GFRAL: variants seen among roughly 807,000 people sequenced by gnomAD.
GFRAL encodes GDNF family receptor alpha like.
GFRAL carries 36 observed loss-of-function variants against 45.4 expected under a neutral mutation model. The observed-to-expected ratio is 0.79, with a 90% confidence interval of 0.61 to 1.05. The LOEUF is 1.05. Among genes scored for constraint, GFRAL ranks in the 50% least tolerant of loss-of-function variants. The pLI, the probability that GFRAL is intolerant of heterozygous loss-of-function variation, is 0.00. For missense variants in GFRAL, 507 were observed against 467.5 expected (o/e 1.08, Z -0.78); for synonymous variants, 166 against 154.1 (o/e 1.08, Z -0.57).
chr6:55,346,343 A>G (rs1288900342), intron 3 of GFRAL, among the ~76,000 whole-genome samples: 1 of 152,184 alleles, frequency 6.6e-6, no homozygotes, highest in Admixed American at 6.5e-5. Flanking sequence ...CATATACACC[A>G]TGAAATACTA....
chr6:55,366,328 T>C (rs1224229883), intron 6 of GFRAL, among the ~76,000 whole-genome samples: 1 of 151,330 alleles, frequency 6.6e-6, no homozygotes, highest in Non-Finnish European at 1.5e-5. Context: ...GATTCTGCTC[T>C]TTTTTTTTCT....
intron 6 of GFRAL, among the ~76,000 whole-genome samples, chr6:55,398,780 A>T (rs1385884962): frequency 6.6e-6 from 1 of 152,218 alleles, no homozygotes; most frequent in Non-Finnish European, 1.5e-5. Context: ...GGAAAAAAGC[A>T]AAACTAGGTA....
chr6:55,397,634 C>T (rs1379873286), intron 6 of GFRAL, among the ~76,000 whole-genome samples: 5 of 150,668 alleles, frequency 3.3e-5, no homozygotes, highest in Admixed American at 3.3e-4. Context: ...TTGTGTTGGG[C>T]TGCTGCTTTC....
chr6:55,356,984 A>G (rs1581910093), intron 5 of GFRAL, among the ~76,000 whole-genome samples: 2 of 151,744 alleles, frequency 1.3e-5, no homozygotes, highest in South Asian at 4.1e-4. Flanking sequence ...TTTAATTTCC[A>G]TGTATTTGTA....
At chr6:55,375,193 A>C (rs1037436417) in intron 6 of GFRAL, among the ~76,000 whole-genome samples, 5 of 152,166 alleles carry the variant, frequency 3.3e-5, no homozygotes, top group African/African-American at 4.8e-5. Flanking sequence ...AATAGCATTG[A>C]ACATATAAAT....
At chr6:55,388,729 C>T (rs1457401536) in intron 6 of GFRAL, among the ~76,000 whole-genome samples, 1 of 152,184 alleles carries the variant, frequency 6.6e-6, no homozygotes, top group East Asian at 1.9e-4. Context: ...TATTTTAATA[C>T]TGCCAGGTAG....
In GFRAL at chr6:55,331,705, G is replaced by T; in HGVS notation, c.23-10G>T. On this transcript the variant is annotated splice_polypyrimidine_tract_variant and intron_variant, in intron 1 of 8. Transcript: ENST00000340465. Reference sequence around the variant, plus strand: ...ATATTACAACCTTGTTTTTGTTGTTGTTATTCAAGCTATGGGGTTAAGCTT... The same window carrying T: ...ATATTACAACCTTGTTTTTGTTGTTTTTATTCAAGCTATGGGGTTAAGCTT... 1.3e-6 allele frequency: 2 copies of T among 1,592,716 alleles called. No individual in the cohort carries two copies. The highest frequency in any genetic ancestry group is 1.2e-5 in the South Asian group (1 of 85,564).
intron 1 of GFRAL, among the ~76,000 whole-genome samples, chr6:55,331,378 A>G (rs1178722180): frequency 6.6e-6 from 1 of 152,188 alleles, no homozygotes; most frequent in East Asian, 1.9e-4. Flanking sequence ...CAATGGTGAG[A>G]TAAAGTTTAA....
At chr6:55,389,870 T>C (rs568602794) in intron 6 of GFRAL, among the ~76,000 whole-genome samples, 1 of 152,368 alleles carries the variant, frequency 6.6e-6, no homozygotes, top group South Asian at 2.1e-4. Context: ...GTAAGATGTT[T>C]ATGAATAAAA....
chr6:55,329,605 T>C (rs1013180427), intron 1 of GFRAL, among the ~76,000 whole-genome samples: 6 of 152,154 alleles, frequency 3.9e-5, no homozygotes, highest in Non-Finnish European at 7.4e-5. Flanking sequence ...AGTCCTCTTT[T>C]TCTTTCTTTG....
At chr6:55,357,290 T>C (rs1768207590) in intron 5 of GFRAL, among the ~76,000 whole-genome samples, 1 of 151,852 alleles carries the variant, frequency 6.6e-6, no homozygotes, top group Non-Finnish European at 1.5e-5. Context: ...AAGTGAGATG[T>C]TGAAGTCTCT....
chr6:55,363,038 G>A (rs957022536), intron 6 of GFRAL, among the ~76,000 whole-genome samples: 93 of 151,304 alleles, frequency 6.1e-4, no homozygotes, highest in African/African-American at 2.1e-3. Context: ...AGACAAAAGA[G>A]GGAAGGTAGA....
chr6:55,339,956 A>G (rs972669892), intron 3 of GFRAL, among the ~76,000 whole-genome samples: 3 of 152,228 alleles, frequency 2.0e-5, no homozygotes, highest in South Asian at 2.1e-4. Context: ...AAATGCTGTT[A>G]TGTGGAAATA....
chr6:55,361,534 TTC>T (rs1241413471), intron 6 of GFRAL, among the ~76,000 whole-genome samples: 2 of 152,024 alleles, frequency 1.3e-5, no homozygotes, highest in African/African-American at 4.8e-5. Context: ...AATTATTTTT[TTC>T]TCTCAAATAT....
intron 3 of GFRAL, among the ~76,000 whole-genome samples, chr6:55,349,428 T>C (rs184935457): frequency 6.0e-4 from 92 of 152,226 alleles, no homozygotes; most frequent in African/African-American, 2.0e-3. Context: ...TTATAGTTTC[T>C]TTTGGCTTTG....
At position 55,338,593 on chromosome 6, in the gene GFRAL, C is replaced by A. The variant is rs1384789875; in HGVS notation, c.316+4649C>A. 3.3e-5 allele frequency among the ~76,000 whole-genome samples: 5 copies of A among 152,034 alleles called. No individual in the cohort carries two copies. In the East Asian group the frequency reaches 9.6e-4, roughly 29 times the overall value. ...AAGGACACACACATACACACACAGA[C>A]AAAGTACTAGAAGCCATAGAGTAAA... On this transcript the variant is annotated intron_variant, in intron 3 of 8. Transcript: ENST00000340465.
At chr6:55,369,091 G>A (rs1184908702) in intron 6 of GFRAL, among the ~76,000 whole-genome samples, 2 of 151,264 alleles carry the variant, frequency 1.3e-5, no homozygotes, top group Non-Finnish European at 2.9e-5. Flanking sequence ...AGCAATCAGC[G>A]AGACTCCGTG....
intron 3 of GFRAL, among the ~76,000 whole-genome samples, chr6:55,339,142 A>G (rs1767927998): frequency 6.6e-6 from 1 of 152,220 alleles, no homozygotes; most frequent in South Asian, 2.1e-4. Flanking sequence ...ATTGGTGACC[A>G]GTTGGATATG....
intron 3 of GFRAL, among the ~76,000 whole-genome samples, chr6:55,340,013 T>C (rs1043067978): frequency 6.6e-6 from 1 of 152,210 alleles, no homozygotes; most frequent in African/African-American, 2.4e-5. Flanking sequence ...GAGAGTTTCA[T>C]ATGGACAAGA....
Sources: allele counts gnomAD v4.1 joint callset (sites outside exome capture counted in the v4.1 genomes callset), GRCh38; gene constraint gnomAD v4.1.1; transcripts MANE v1.5; gene names NCBI Gene and HGNC (gene_info 2026-07-23, HGNC 2026-07-21).